Variants in LRRC20 observed in about 807,000 individuals in gnomAD.
The protein encoded by LRRC20 is leucine-rich repeat-containing protein 20.
Under a neutral mutation model 14.4 loss-of-function variants are expected in LRRC20, and 11 were observed. That is an observed-to-expected ratio of 0.77 (90% CI 0.48 to 1.27). The LOEUF is 1.27. LRRC20 is among the 50% of genes most tolerant of loss of function. The pLI is 0.00. For missense variants in LRRC20, 219 were observed against 251.2 expected, an observed-to-expected ratio of 0.87 and a Z score of 0.87; for synonymous variants, 121 against 107.3, an observed-to-expected ratio of 1.13 and a Z score of -0.79.
In LRRC20 at chr10:70,301,029, CCT is replaced by C; in HGVS notation, c.*323_*324del. The C allele has an allele frequency of 9.0e-7, 1 of 1,105,052 alleles. No homozygotes were observed. Among genetic ancestry groups the C allele is most frequent in the Non-Finnish European group, 1.1e-6 (1 of 906,794 alleles). The allele number at this position is 1,105,052 out of a possible 1,614,324, so 68.5% of individuals were successfully genotyped here. On this transcript the variant is annotated 3_prime_UTR_variant, in exon 5 of 5. Coordinates refer to ENST00000446961, the MANE Select transcript of LRRC20 (RefSeq NM_001278212.2). ...CTTGGAGGCACGTACTGCTTAAAAA[CCT>C]CCAGGGAGCCCAAAGGAGGGAAAGG...
At chr10:70,376,719 G>C in intron 1 of LRRC20, 123 bp from the exon 2 acceptor site, 1 of 603,230 alleles carries the variant, frequency 1.7e-6, no homozygotes, top group Non-Finnish European at 2.9e-6. Flanking sequence ...GAGGGCCCCA[G>C]GCCACTCACC....
At chr10:70,357,078 T>C (rs560421174) in intron 2 of LRRC20, among the ~76,000 whole-genome samples, 7 of 152,326 alleles carry the variant, frequency 4.6e-5, no homozygotes, top group African/African-American at 1.7e-4. Flanking sequence ...TGAAAACATT[T>C]TGCTATGTGA....
chr10:70,381,359 G>A (rs780220316), intron 1 of LRRC20: 20 of 152,254 alleles, frequency 1.3e-4, no homozygotes, highest in Non-Finnish European at 2.4e-4. Flanking sequence ...ACGTTGTCCT[G>A]CTTTGGGGGA....
intron 1 of LRRC20, among the ~76,000 whole-genome samples, chr10:70,378,943 T>C (rs1195249359): frequency 6.6e-6 from 1 of 152,016 alleles, no homozygotes; most frequent in African/African-American, 2.4e-5. Context: ...CAAAGCTCTG[T>C]CTCAAAAATA....
At chr10:70,370,939 G>A (rs1844241851) in intron 2 of LRRC20, among the ~76,000 whole-genome samples, 1 of 152,056 alleles carries the variant, frequency 6.6e-6, no homozygotes, top group African/African-American at 2.4e-5. Context: ...AGGATCACTT[G>A]AGCCCAGGAA....
At chr10:70,358,742 C>T (rs998192981) in intron 2 of LRRC20, among the ~76,000 whole-genome samples, 1 of 152,180 alleles carries the variant, frequency 6.6e-6, no homozygotes, top group African/African-American at 2.4e-5. Context: ...AGAAAGGGCA[C>T]CCACCTCAAA....
intron 2 of LRRC20, among the ~76,000 whole-genome samples, chr10:70,341,415 G>A (rs1276578366): frequency 1.3e-5 from 2 of 152,204 alleles, no homozygotes; most frequent in Non-Finnish European, 2.9e-5. Context: ...TCCACCAACT[G>A]GGGACTGGAT....
rs1841125442 is a variant in LRRC20, at chr10:70,300,389, AG to A, written c.*964del. On this transcript the variant is annotated 3_prime_UTR_variant, in exon 5 of 5. Transcript: ENST00000446961. ...CCAGGTTGAGGGCCTCAGAAGAACC[AG>A]GTCATCAGGGCTTTGGGCGTTGGCC... 4 of 985,356 alleles carry A rather than the reference AG, an allele frequency of 4.1e-6. No homozygotes were observed. Among genetic ancestry groups the A allele is most frequent in the African/African-American group, 3.5e-5 (2 of 57,234 alleles). 61.0% of individuals were successfully genotyped at this position (985,356 alleles called of 1,614,324 possible).
intron 1 of LRRC20, among the ~76,000 whole-genome samples, chr10:70,379,275 C>A (rs1844618857): frequency 6.6e-6 from 1 of 152,214 alleles, no homozygotes; most frequent in Non-Finnish European, 1.5e-5. Flanking sequence ...CTGGACCCAA[C>A]AACTTCACCA....
At chr10:70,303,287 A>G (rs984630691) in intron 4 of LRRC20, among the ~76,000 whole-genome samples, 3 of 152,012 alleles carry the variant, frequency 2.0e-5, no homozygotes, top group Non-Finnish European at 4.4e-5. Context: ...GCTCCATCAT[A>G]CCCCTAAAGA....
chr10:70,324,322 C>T (rs12415688), intron 3 of LRRC20, among the ~76,000 whole-genome samples: 5 of 152,208 alleles, frequency 3.3e-5, no homozygotes, highest in Admixed American at 3.3e-4. Context: ...AGCGAGGGGT[C>T]AGGAGGTGCT....
At position 70,351,186 on chromosome 10, in the gene LRRC20, GAAAAA is replaced by G. The variant is rs35179179; in HGVS notation, c.83-10489_83-10485del. On this transcript the variant is annotated intron_variant, in intron 2 of 4. Coordinates refer to ENST00000446961, the MANE Select transcript of LRRC20 (RefSeq NM_001278212.2). Reference sequence around the variant, plus strand: ...ACAGAGTGAGACCCTGTCTCAGAAAGAAAAAAAAAAAAGAGACAATCATCTGAAGA... The same window carrying G: ...ACAGAGTGAGACCCTGTCTCAGAAAGAAAAAAAGAGACAATCATCTGAAGA... Among the ~76,000 whole-genome samples, 798 of 148,620 alleles carry G rather than the reference GAAAAA, an allele frequency of 5.4e-3. 10 individuals are homozygous for G. The highest frequency in any genetic ancestry group is 0.019 in the African/African-American group (753 of 40,396).
At chr10:70,382,510 C>G (rs994924468) in intron 1 of LRRC20, 39 bp downstream of exon 1, 1 of 152,312 alleles carries the variant, frequency 6.6e-6, no homozygotes, top group Non-Finnish European at 1.5e-5. Context: ...GGGCAAGAAG[C>G]GTGTGGTCCC....
intron 2 of LRRC20, among the ~76,000 whole-genome samples, chr10:70,355,199 C>G (rs1461501315): frequency 1.3e-5 from 2 of 152,196 alleles, no homozygotes; most frequent in Non-Finnish European, 2.9e-5. Flanking sequence ...CCGTGCATCA[C>G]TGGGCACAAT....
intron 4 of LRRC20, among the ~76,000 whole-genome samples, chr10:70,309,414 C>G (rs1183272849): frequency 6.6e-6 from 1 of 152,124 alleles, no homozygotes; most frequent in Non-Finnish European, 1.5e-5. Context: ...GGAGGCAGGA[C>G]AGTTCCTGAT....
At position 70,329,274 on chromosome 10, in the gene LRRC20, G is replaced by C. The variant is rs888906013; in HGVS notation, c.233-5244C>G. The stretch of plus-strand genomic sequence containing the variant: ...ATCGCTAGGAAGGCATTTGAGGTCA[G>C]AGTGAAAAAAACCAGTTCGGCAAAA... On this transcript the variant is annotated intron_variant, in intron 3 of 4. Coordinates refer to ENST00000446961, the MANE Select transcript of LRRC20 (RefSeq NM_001278212.2). Among the ~76,000 whole-genome samples, 8 of 152,208 alleles carry C rather than the reference G, an allele frequency of 5.3e-5. 1 individual carries two copies. The highest frequency in any genetic ancestry group is 1.2e-4 in the Non-Finnish European group (8 of 68,024).
intron 2 of LRRC20, among the ~76,000 whole-genome samples, chr10:70,372,340 T>C (rs906168898): frequency 6.6e-6 from 1 of 152,164 alleles, no homozygotes; most frequent in African/African-American, 2.4e-5. Context: ...TTCCTACATA[T>C]ATGCACAGGT....
chr10:70,365,571 G>C (rs1229271361), intron 2 of LRRC20, among the ~76,000 whole-genome samples: 1 of 152,188 alleles, frequency 6.6e-6, no homozygotes, highest in Non-Finnish European at 1.5e-5. Flanking sequence ...TGCACTTGTA[G>C]TTCCAGCTAC....
chr10:70,371,540 T>C lies in LRRC20; in HGVS notation c.82+4912A>G, dbSNP rs554923377. On this transcript the variant is annotated intron_variant, in intron 2 of 4. Coordinates refer to ENST00000446961, the MANE Select transcript of LRRC20 (RefSeq NM_001278212.2). Reference sequence around the variant, plus strand: ...GCCTAAGACCCGGAGAGGAGCGGGGTGCAGGGAAGCCTGGCCCCACAACCA... The same window carrying C: ...GCCTAAGACCCGGAGAGGAGCGGGGCGCAGGGAAGCCTGGCCCCACAACCA... Among the ~76,000 whole-genome samples, 13 of 151,334 alleles carry C rather than the reference T, an allele frequency of 8.6e-5. 1 individual carries two copies. Among genetic ancestry groups the C allele is most frequent in the Admixed American group, 2.0e-4 (3 of 15,186 alleles).
Sources: gnomAD v4.1 joint callset for allele counts (sites outside exome capture counted in the v4.1 genomes callset) on GRCh38, gnomAD v4.1.1 for gene constraint, MANE v1.5 for transcripts, NCBI Gene and HGNC (gene_info 2026-07-23, HGNC 2026-07-21) for gene names.